Variants in CRB1 observed in about 807,000 individuals in gnomAD.
CRB1 encodes protein crumbs homolog 1.
Under a neutral mutation model 120.0 loss-of-function variants are expected in CRB1, and 83 were observed. The observed-to-expected ratio is 0.69, with a 90% CI of 0.58 to 0.83. CRB1 has a LOEUF of 0.83. Ranked by LOEUF, CRB1 falls within the 40% of genes least tolerant of loss-of-function variation. CRB1 has a pLI of 0.00. For missense variants in CRB1, 1,699 were observed against 1,687.6 expected, an observed-to-expected ratio of 1.01 and a Z score of -0.12; for synonymous variants, 625 against 612.5, an observed-to-expected ratio of 1.02 and a Z score of -0.30.
chr1:197,315,061 A>G (rs60959014), intron 1 of CRB1, among the ~76,000 whole-genome samples: 12,304 of 152,222 alleles, frequency 0.081, 1,714 homozygotes, highest in African/African-American at 0.28. Context: ...TGCCCACAGC[A>G]CAAAAGCCAT....
At chr1:197,237,629 A>G in the CRB1 span, among the ~76,000 whole-genome samples, 1 of 152,326 alleles carries the variant, frequency 6.6e-6, no homozygotes. Context: ...GGTCCATTTC[A>G]TTTAAGTTAT....
chr1:197,209,287 C>T, the CRB1 span, among the ~76,000 whole-genome samples: 38 of 152,274 alleles, frequency 2.5e-4, no homozygotes, highest in East Asian at 5.4e-3. Flanking sequence ...CAAAATTGTT[C>T]AGCTGGAAGT....
intron 5 of CRB1, among the ~76,000 whole-genome samples, chr1:197,386,449 G>A (rs564806951): frequency 6.6e-6 from 1 of 152,244 alleles, no homozygotes; most frequent in Non-Finnish European, 1.5e-5. Context: ...GCAGACCAAA[G>A]ATGGAGTCTC....
chr1:197,284,372 G>A (rs867571992), intron 1 of CRB1, among the ~76,000 whole-genome samples: 5 of 151,840 alleles, frequency 3.3e-5, no homozygotes, highest in South Asian at 2.1e-4. Context: ...ACTTCAGCTC[G>A]GGAAAATCAT....
chr1:197,225,873 G>A, the CRB1 span, among the ~76,000 whole-genome samples: 116 of 152,060 alleles, frequency 7.6e-4, 2 homozygotes, highest in East Asian at 0.022. Context: ...TTTGAGCCTC[G>A]GTCCACCCCA....
At chr1:197,285,191 T>C (rs1249073146) in intron 1 of CRB1, among the ~76,000 whole-genome samples, 1 of 151,856 alleles carries the variant, frequency 6.6e-6, no homozygotes, top group African/African-American at 2.4e-5. Flanking sequence ...AGTGAAAGTG[T>C]AGTGAAAAGA....
rs796992563 is a variant in CRB1 at position 197,428,418 on chromosome 1, A to G, written c.2676+417A>G. On this transcript the variant is annotated intron_variant, in intron 7 of 11. Transcript: ENST00000367400. ...TTGAACTTTTATTAAGTCAGAAACA[A>G]CAAGAGAAATCTGAGAGGTAATTTC... Among the ~76,000 whole-genome samples the G allele has an allele frequency of 8.7e-4, 133 of 152,356 alleles. 1 individual carries two copies. Among genetic ancestry groups the G allele is most frequent in the Middle Eastern group, 3.4e-3 (1 of 294 alleles).
chr1:197,369,383 T>C (rs903778684), intron 5 of CRB1, among the ~76,000 whole-genome samples: 4 of 151,944 alleles, frequency 2.6e-5, no homozygotes, highest in African/African-American at 4.8e-5. Context: ...GACACGCACA[T>C]TCACCTAGAG....
chr1:197,274,784 A>G (rs116697021), intron 1 of CRB1, among the ~76,000 whole-genome samples: 2,018 of 151,422 alleles, frequency 0.013, 45 homozygotes, highest in African/African-American at 0.044. Context: ...TTATTACTGA[A>G]AAATATTCCA....
At chr1:197,260,606 GA>G in the CRB1 span, among the ~76,000 whole-genome samples, 3 of 151,136 alleles carry the variant, frequency 2.0e-5, no homozygotes, top group Admixed American at 2.0e-4. Flanking sequence ...AACTTTAAGA[GA>G]AAATGAACCT....
At chr1:197,386,461 C>G (rs1415289867) in intron 5 of CRB1, among the ~76,000 whole-genome samples, 2 of 152,096 alleles carry the variant, frequency 1.3e-5, no homozygotes, top group African/African-American at 4.8e-5. Context: ...TGGAGTCTCC[C>G]TTAGCAGAGC....
chr1:197,338,424 A>G (rs1438275619), intron 2 of CRB1, among the ~76,000 whole-genome samples: 1 of 152,228 alleles, frequency 6.6e-6, no homozygotes, highest in Non-Finnish European at 1.5e-5. Flanking sequence ...CCAAACAGAC[A>G]ACTGTAATCA....
At chr1:197,382,119 C>G (rs1180262365) in intron 5 of CRB1, among the ~76,000 whole-genome samples, 1 of 152,066 alleles carries the variant, frequency 6.6e-6, no homozygotes, top group Non-Finnish European at 1.5e-5. Context: ...AGTGTAACAG[C>G]CAATTATTAA....
upstream of CRB1, among the ~76,000 whole-genome samples, chr1:197,264,388 G>C (rs1415373371): frequency 6.6e-6 from 1 of 152,018 alleles, no homozygotes; most frequent in Non-Finnish European, 1.5e-5. Context: ...GGACATTTAG[G>C]TTAGTTCTAT....
chr1:197,229,636 G>A, the CRB1 span, among the ~76,000 whole-genome samples: 5 of 152,088 alleles, frequency 3.3e-5, no homozygotes, highest in Non-Finnish European at 7.4e-5. Context: ...GGTTCCCAGT[G>A]TCTGTTGTTC....
At chr1:197,430,586 C>T (rs547807951) in intron 8 of CRB1, among the ~76,000 whole-genome samples, 3 of 152,216 alleles carry the variant, frequency 2.0e-5, no homozygotes, top group Non-Finnish European at 2.9e-5. Context: ...CACCACCTCC[C>T]TCCTGAACTC....
chr1:197,250,517 T>TTTACA, the CRB1 span, among the ~76,000 whole-genome samples: 80 of 152,116 alleles, frequency 5.3e-4, no homozygotes, highest in African/African-American at 1.4e-3. Context: ...CTTTCTGAGA[T>TTTACA]TTACATTACA....
chr1:197,220,103 T>C, the CRB1 span, among the ~76,000 whole-genome samples: 3 of 152,318 alleles, frequency 2.0e-5, no homozygotes, highest in South Asian at 6.2e-4. Flanking sequence ...TCATCCTCTT[T>C]CTTTATTCTC....
chr1:197,217,011 G>C, the CRB1 span, among the ~76,000 whole-genome samples: 11 of 151,790 alleles, frequency 7.2e-5, no homozygotes, highest in Admixed American at 2.0e-4. Flanking sequence ...CTAGTATCTA[G>C]AATATATAAA....
Sources: allele counts gnomAD v4.1 joint callset (sites outside exome capture counted in the v4.1 genomes callset), GRCh38; gene constraint gnomAD v4.1.1; transcripts MANE v1.5; gene names NCBI Gene and HGNC (gene_info 2026-07-23, HGNC 2026-07-21).